The following RYR3 variants were observed in gnomAD, a reference collection of about 807,000 sequenced individuals.
The protein encoded by RYR3 is brain ryanodine receptor-calcium release channel.
A neutral mutation model predicts 584.3 loss-of-function variants in RYR3; 207 were observed. The observed-to-expected ratio is 0.35, with a 90% CI of 0.32 to 0.40. The LOEUF is 0.40. RYR3 is among the 10% of genes least tolerant of loss of function. The probability of loss-of-function intolerance (pLI) is 1.00; values close to 1 mark genes in which losing one functional copy is unlikely to be tolerated. For missense variants in RYR3, 5,616 were observed against 6,089.2 expected (o/e 0.92, Z 2.59); for synonymous variants, 2,416 against 2,248.5 (o/e 1.07, Z -2.11).
intron 10 of RYR3, among the ~76,000 whole-genome samples, chr15:33,556,662 A>G (rs1273738460): frequency 6.6e-6 from 1 of 152,204 alleles, no homozygotes; most frequent in Non-Finnish European, 1.5e-5. Context: ...AACCTGTAGA[A>G]TAGAGTTCAG....
intron 16 of RYR3, among the ~76,000 whole-genome samples, chr15:33,593,180 T>C (rs565779863): frequency 5.3e-5 from 8 of 152,334 alleles, no homozygotes; most frequent in African/African-American, 1.7e-4. Flanking sequence ...GGGAGGCAGG[T>C]TTGCCCTAAG....
chr15:33,662,665 A>G lies in RYR3; in HGVS notation c.5135A>G (p.Asp1712Gly). ...CAGTGCAGCGGGGCCCACATCCGAG[A>G]CCCTGTAGGGGGGTCTGTGGAGTTC... Reference protein sequence around the residue: ...AVQCSGAHIRDPVGGSVEFQF... With the variant: ...AVQCSGAHIRGPVGGSVEFQF... The change falls in exon 35 of 104, where the codon GAC becomes GGC. Residue 1712 changes from aspartate to glycine, a missense_variant. Transcript: ENST00000634891. 6.2e-7 allele frequency: 1 copy of G among 1,614,018 alleles called. No individual in the cohort carries two copies. The highest frequency in any genetic ancestry group is 8.5e-7 in the Non-Finnish European group (1 of 1,179,952).
At chr15:33,569,358 T>C (rs953745861) in intron 12 of RYR3, among the ~76,000 whole-genome samples, 2 of 152,214 alleles carry the variant, frequency 1.3e-5, no homozygotes, top group Non-Finnish European at 2.9e-5. Context: ...CACATGTTTT[T>C]ATCATCCCAA....
At chr15:33,585,864 A>G (rs1383123421) in intron 15 of RYR3, 134 bp from the exon 16 acceptor site, 3 of 601,346 alleles carry the variant, frequency 5.0e-6, no homozygotes, top group East Asian at 5.8e-5. Context: ...TCTGGCTGGA[A>G]AGATTTGATA....
chr15:33,313,926 A>G (rs977339665), intron 1 of RYR3, among the ~76,000 whole-genome samples: 13 of 152,208 alleles, frequency 8.5e-5, no homozygotes, highest in African/African-American at 3.1e-4. Context: ...AGCAGCTAGA[A>G]CTATTGATAG....
chr15:33,523,904 A>C (rs2054199743), intron 3 of RYR3, among the ~76,000 whole-genome samples: 1 of 152,102 alleles, frequency 6.6e-6, no homozygotes, highest in East Asian at 1.9e-4. Flanking sequence ...TCCGTGTAAC[A>C]CCAAGGGTAA....
At chr15:33,605,528 T>A (rs4041458) in intron 18 of RYR3, among the ~76,000 whole-genome samples, 39,191 of 152,114 alleles carry the variant, frequency 0.26, 6,055 homozygotes, top group Non-Finnish European at 0.35. Context: ...GATGGTATAT[T>A]GGCATGTAGG....
chr15:33,509,038 T>C (rs963201048), intron 3 of RYR3, among the ~76,000 whole-genome samples: 12 of 152,216 alleles, frequency 7.9e-5, no homozygotes, highest in African/African-American at 2.7e-4. Flanking sequence ...TGTCATGAGA[T>C]ACATGAGATA....
At position 33,810,787 on chromosome 15, in the gene RYR3, C is replaced by G. The variant is rs1417076557; in HGVS notation, c.10197+138C>G. ...GAAACCAGTGTGTATGGAGGCAACA[C>G]GCCCTCATCTTTAAAACTGGTTTGG... On this transcript the variant is annotated intron_variant, in intron 71 of 103. Transcript: ENST00000634891. 2.6e-6 allele frequency: 3 copies of G among 1,138,406 alleles called. No homozygotes were observed. The East Asian group carries it at 7.7e-5, about 29-fold the overall frequency. The allele number at this position is 1,138,406 out of a possible 1,614,324, so 70.5% of individuals were successfully genotyped here.
At position 33,550,192 on chromosome 15, in the gene RYR3, C is replaced by T. The variant is rs748058572; in HGVS notation, c.848C>T (p.Ala283Val). The T allele has an allele frequency of 6.2e-7, 1 of 1,613,860 alleles. No individual in the cohort carries two copies. The highest frequency in any genetic ancestry group is 2.2e-5 in the East Asian group (1 of 44,858). The change falls in exon 10 of 104, where the codon GCT becomes GTT. Residue 283 changes from alanine (A) to valine (V), a missense_variant. Ala to Val is a moderately conservative substitution (Grantham distance 64, BLOSUM62 0). Coordinates refer to ENST00000634891, the MANE Select transcript of RYR3 (RefSeq NM_001036.6). ...WSGSNIRWGQAFRLRHLTTGH... is the reference protein window; with the variant it reads ...WSGSNIRWGQVFRLRHLTTGH... Reference sequence around the variant, plus strand: ...GGCAGTAACATCAGATGGGGCCAGGCTTTCCGACTCCGGCATCTCACCACA... The same window carrying T: ...GGCAGTAACATCAGATGGGGCCAGGTTTTCCGACTCCGGCATCTCACCACA...
chr15:33,452,126 C>T (rs945346370), intron 1 of RYR3, among the ~76,000 whole-genome samples: 1 of 152,174 alleles, frequency 6.6e-6, no homozygotes, highest in Non-Finnish European at 1.5e-5. Context: ...AAAATTGGTT[C>T]CAAAGGCTGC....
chr15:33,780,393 A>G (rs1596552528), intron 65 of RYR3, 52 bp downstream of exon 65: 1 of 1,592,298 alleles, frequency 6.3e-7, no homozygotes. Flanking sequence ...CTGAGAGGAG[A>G]GGAGCCACAC....
At chr15:33,771,792 C>G (rs2073596634) in intron 62 of RYR3, 128 bp from the exon 63 acceptor site, 4 of 668,700 alleles carry the variant, frequency 6.0e-6, no homozygotes, top group South Asian at 5.5e-5. Flanking sequence ...CTCTCCCTTT[C>G]TCCTGACACA....
chr15:33,471,019 G>A (rs2048879269), intron 1 of RYR3, among the ~76,000 whole-genome samples: 1 of 152,216 alleles, frequency 6.6e-6, no homozygotes, highest in African/African-American at 2.4e-5. Context: ...GGAGCAAGAG[G>A]AGTAATCAGA....
At chr15:33,326,287 C>T (rs182214402) in intron 1 of RYR3, among the ~76,000 whole-genome samples, 11 of 152,258 alleles carry the variant, frequency 7.2e-5, no homozygotes, top group Admixed American at 3.3e-4. Context: ...CTTATTCATC[C>T]GTCCATCCAC....
Position 33,785,964 on chromosome 15 carries a change from T to C in RYR3, c.9571T>C (p.Trp3191Arg), listed in dbSNP as rs765065069. 2 of 1,588,940 alleles carry C rather than the reference T, an allele frequency of 1.3e-6. No individual in the cohort carries two copies. The highest frequency in any genetic ancestry group is 1.7e-4 in the Middle Eastern group (1 of 5,940). Residue 3191 changes from tryptophan (W) to arginine (R), a missense_variant, in exon 66 of 104, where the codon TGG (tryptophan) becomes CGG (arginine). Physicochemically the swap from Trp to Arg is moderately radical, Grantham distance 101. This residue lies in a region of RYR3 where 954 missense variants were observed against 1,132.2 expected (regional missense o/e 0.84). Transcript: ENST00000634891. ...CAACCTGGGCATCGATGAGGCCTCCTGGATGAAGCGCATTGCAGGTACCGA... is the reference window on the plus strand; with the variant it reads ...CAACCTGGGCATCGATGAGGCCTCCCGGATGAAGCGCATTGCAGGTACCGA... ...NNNLGIDEAS[W>R]MKRIAVYAQP...
chr15:33,577,568 C>G (rs2058362633), intron 12 of RYR3, among the ~76,000 whole-genome samples: 1 of 152,106 alleles, frequency 6.6e-6, no homozygotes, highest in Non-Finnish European at 1.5e-5. Context: ...GAGCCATGTG[C>G]AGAAAATTGA....
In RYR3 at chr15:33,836,938, C is replaced by G; in HGVS notation, c.11601C>G (p.Leu3867=). The change falls in exon 88 of 104, where the codon CTC becomes CTG. Residue 3867 remains leucine (L), a synonymous_variant. Coordinates refer to ENST00000634891, the MANE Select transcript of RYR3 (RefSeq NM_001036.6). ...GTCAGATCGAGCTGCTGAAGGAACT[C>G]TTGGATCTCCTTCAGGACATGGTGG... ...DSSQIELLKE[L]LDLLQDMVVM... The G allele has an allele frequency of 6.2e-7, 1 of 1,613,680 alleles. No homozygotes were observed. Among genetic ancestry groups the G allele is most frequent in the Non-Finnish European group, 8.5e-7 (1 of 1,179,830 alleles).
Position 33,821,354 on chromosome 15 carries a change from A to C in RYR3, c.10900A>C (p.Ile3634Leu), listed in dbSNP as rs753645974. The change falls in exon 79 of 104, where the codon ATA becomes CTA. Residue 3634 changes from isoleucine (I) to leucine (L), a missense_variant. This residue lies in a region of RYR3 where 954 missense variants were observed against 1,132.2 expected (regional missense o/e 0.84). Coordinates refer to ENST00000634891, the MANE Select transcript of RYR3 (RefSeq NM_001036.6). ...TGCTGCAGAGATGGTCCTTCAGATG[A>C]TAAGCGCTAGCAAAGGTGATTTCCC... ...RGAAEMVLQM[I>L]SASKGEMSPM... 1.9e-6 allele frequency: 3 copies of C among 1,602,216 alleles called. No homozygotes were observed. The highest frequency in any genetic ancestry group is 2.3e-5 in the South Asian group (2 of 88,306).
Sources: allele counts gnomAD v4.1 joint callset (sites outside exome capture counted in the v4.1 genomes callset), GRCh38; gene constraint gnomAD v4.1.1; regional missense constraint gnomAD v4.1.1; transcripts MANE v1.5; gene names NCBI Gene and HGNC (gene_info 2026-07-23, HGNC 2026-07-21).